Variants in ERC1 observed in about 807,000 individuals in gnomAD.
The protein encoded by ERC1 is ELKS/RAB6-interacting/CAST family member 1.
A neutral mutation model predicts 132.0 loss-of-function variants in ERC1; 56 were observed. The observed-to-expected ratio is 0.42, with a 90% CI of 0.34 to 0.53. The LOEUF (loss-of-function observed/expected upper bound fraction) is 0.53, where lower values mean the gene tolerates loss of function less well. ERC1 is among the 20% of genes least tolerant of loss of function. The probability of loss-of-function intolerance (pLI) is 0.03; values close to 1 mark genes in which losing one functional copy is unlikely to be tolerated. For synonymous variants in ERC1, 478 were observed against 476.1 expected, an observed-to-expected ratio of 1.00 and a Z score of -0.05; for missense variants, 1,202 against 1,349.9, an observed-to-expected ratio of 0.89 and a Z score of 1.72.
chr12:1,481,880 A>G (rs980522068), intron 18 of ERC1, among the ~76,000 whole-genome samples: 10 of 152,154 alleles, frequency 6.6e-5, no homozygotes, highest in African/African-American at 2.4e-4. Context: ...ATGTGTAGGT[A>G]ATAATCACAT....
chr12:1,180,253 ATGTGTG>A lies in ERC1; in HGVS notation c.1738-262_1738-257del, dbSNP rs3216970. Among the ~76,000 whole-genome samples the A allele has an allele frequency of 3.5e-3, 514 of 146,698 alleles. 3 individuals are homozygous for A. The highest frequency in any genetic ancestry group is 0.01 in the African/African-American group (418 of 40,070). The stretch of plus-strand genomic sequence containing the variant: ...AGCTACTTTTCTTATTTTGTTAGGG[ATGTGTG>A]TGTGTGTGTGTGTGTGTGTGTGTGC... On this transcript the variant is annotated intron_variant, in intron 8 of 18. Coordinates refer to ENST00000360905, the MANE Select transcript of ERC1 (RefSeq NM_178040.4).
intron 15 of ERC1, among the ~76,000 whole-genome samples, chr12:1,356,104 T>C (rs984704044): frequency 2.0e-5 from 3 of 151,272 alleles, no homozygotes; most frequent in African/African-American, 7.3e-5. Context: ...CTTGCAGGGC[T>C]GAGATGGGAG....
intron 18 of ERC1, among the ~76,000 whole-genome samples, chr12:1,485,201 C>CTTTTTTTTTTTTTT (rs71441650): frequency 1.0e-5 from 1 of 96,378 alleles, no homozygotes; most frequent in Non-Finnish European, 2.0e-5. Flanking sequence ...GTTTATATTT[C>CTTTTTTTTTTTTTT]TTTTTTTTTT....
At chr12:1,278,338 G>T (rs2078426494) in intron 14 of ERC1, among the ~76,000 whole-genome samples, 1 of 152,142 alleles carries the variant, frequency 6.6e-6, no homozygotes, top group African/African-American at 2.4e-5. Flanking sequence ...TCTAGTAATG[G>T]CAACCCAGCA....
intron 15 of ERC1, among the ~76,000 whole-genome samples, chr12:1,347,623 A>G (rs1399777917): frequency 6.6e-6 from 1 of 152,206 alleles, no homozygotes; most frequent in Non-Finnish European, 1.5e-5. Flanking sequence ...TGTGATTGAT[A>G]CCACTTTTCA....
At chr12:1,281,638 C>G (rs1488760492) in intron 14 of ERC1, among the ~76,000 whole-genome samples, 2 of 152,104 alleles carry the variant, frequency 1.3e-5, no homozygotes, top group Non-Finnish European at 2.9e-5. Flanking sequence ...TAATTGATTC[C>G]ATTACAATCT....
At chr12:1,168,399 C>T (rs1410950569) in intron 8 of ERC1, among the ~76,000 whole-genome samples, 2 of 151,608 alleles carry the variant, frequency 1.3e-5, no homozygotes, top group African/African-American at 4.9e-5. Flanking sequence ...GCTGGGATTA[C>T]AGGTGTGAGC....
intron 14 of ERC1, among the ~76,000 whole-genome samples, chr12:1,272,007 G>A (rs11615715): frequency 0.23 from 34,526 of 152,060 alleles, 4,711 homozygotes; most frequent in Non-Finnish European, 0.3. Context: ...TCAAAAGGTC[G>A]TTCCAGAACC....
intron 18 of ERC1, among the ~76,000 whole-genome samples, chr12:1,449,193 A>AT (rs1247900809): frequency 7.9e-5 from 12 of 152,184 alleles, no homozygotes; most frequent in African/African-American, 2.6e-4. Flanking sequence ...CTTGCTTTTG[A>AT]TTTTACAGGC....
At chr12:994,290 CTT>C (rs539052192) in intron 1 of ERC1, among the ~76,000 whole-genome samples, 9 of 151,966 alleles carry the variant, frequency 5.9e-5, no homozygotes, top group Non-Finnish European at 1.3e-4. Flanking sequence ...GTAAAATAAA[CTT>C]AGCATACAGA....
At chr12:1,154,237 A>ATGTG (rs748568505) in intron 8 of ERC1, among the ~76,000 whole-genome samples, 3 of 76,526 alleles carry the variant, frequency 3.9e-5, no homozygotes, top group African/African-American at 2.2e-4. Flanking sequence ...ATGTATATGT[A>ATGTG]TATGTATATG....
At chr12:1,043,968 C>T (rs1970692884) in intron 2 of ERC1, among the ~76,000 whole-genome samples, 1 of 152,108 alleles carries the variant, frequency 6.6e-6, no homozygotes, top group East Asian at 1.9e-4. Flanking sequence ...TTCCTTCATA[C>T]AGCATTATAT....
chr12:998,639 C>T (rs892432875), intron 1 of ERC1, among the ~76,000 whole-genome samples: 1 of 152,126 alleles, frequency 6.6e-6, no homozygotes, highest in Non-Finnish European at 1.5e-5. Context: ...CTGTTATCAG[C>T]CAGTCACTAG....
At chr12:1,053,333 G>A (rs970331106) in intron 2 of ERC1, among the ~76,000 whole-genome samples, 2 of 152,146 alleles carry the variant, frequency 1.3e-5, no homozygotes, top group Admixed American at 6.6e-5. Flanking sequence ...CTAGCTTTTC[G>A]TTATGCATTA....
chr12:1,153,663 A>G (rs17800852), intron 8 of ERC1, among the ~76,000 whole-genome samples: 6,266 of 152,330 alleles, frequency 0.041, 177 homozygotes, highest in Non-Finnish European at 0.062. Context: ...AGAATGCATG[A>G]ACTCGGAGAA....
At position 1,083,778 on chromosome 12, in the gene ERC1, T is replaced by C. The variant is rs142634383; in HGVS notation, c.1086+198T>C. On this transcript the variant is annotated intron_variant, in intron 3 of 18. Coordinates refer to ENST00000360905, the MANE Select transcript of ERC1 (RefSeq NM_178040.4). The stretch of plus-strand genomic sequence containing the variant: ...GGATGACATTGTCTGGTATGTATGC[T>C]GGCTCAGTGACTTTCTGGGTCTTTT... 2.5e-3 allele frequency among the ~76,000 whole-genome samples: 388 copies of C among 152,286 alleles called. 1 individual carries two copies. Among genetic ancestry groups the C allele is most frequent in the African/African-American group, 9.1e-3 (377 of 41,564 alleles).
rs1566757537 is a variant in ERC1 at position 1,394,030 on chromosome 12, A to AAAC, written c.2926-14117_2926-14116insCAA. ...GACTCCGTCTCAAAAAAAAAAAAAA[A>AAAC]AAACAAAAAAAAAACCACAAAGCAT... On this transcript the variant is annotated intron_variant, in intron 16 of 18. Transcript: ENST00000360905. Among the ~76,000 whole-genome samples the AAAC allele has an allele frequency of 2.8e-4, 33 of 119,766 alleles. 2 individuals are homozygous for AAAC. Among genetic ancestry groups the AAAC allele is most frequent in the African/African-American group, 1.1e-3 (31 of 28,728 alleles). The allele number at this position is 119,766 out of a possible 152,430, so 78.6% of individuals were successfully genotyped here. A position where few individuals can be genotyped will look rare whatever the true frequency, so the allele number is the denominator to read the frequency against.
At chr12:1,258,027 G>A (rs766562683) in intron 13 of ERC1, among the ~76,000 whole-genome samples, 1 of 152,080 alleles carries the variant, frequency 6.6e-6, no homozygotes, top group Non-Finnish European at 1.5e-5. Flanking sequence ...TGTTGCTAGT[G>A]GCTTCTGCAT....
chr12:1,417,337 T>C lies in ERC1; in HGVS notation c.3024+9090T>C, dbSNP rs146030685. ...TGCCAGCCCTTTTTGCATACCATAC[T>C]CAGCAGGTCCCTTCTGTGTGCCTCT... On this transcript the variant is annotated intron_variant, in intron 17 of 18. Coordinates refer to ENST00000360905, the MANE Select transcript of ERC1 (RefSeq NM_178040.4). Among the ~76,000 whole-genome samples the C allele has an allele frequency of 7.2e-4, 109 of 152,186 alleles. 1 individual carries two copies. The highest frequency in any genetic ancestry group is 2.5e-3 in the African/African-American group (102 of 41,532).
Sources: allele counts gnomAD v4.1 joint callset (sites outside exome capture counted in the v4.1 genomes callset), GRCh38; gene constraint gnomAD v4.1.1; transcripts MANE v1.5; gene names NCBI Gene and HGNC (gene_info 2026-07-23, HGNC 2026-07-21).